The following ZBTB46 variants were observed in gnomAD, a reference collection of about 807,000 sequenced individuals.
The protein encoded by ZBTB46 is zinc finger and BTB domain containing 46.
Under a neutral mutation model 44.1 loss-of-function variants are expected in ZBTB46, and 8 were observed. The ratio of observed to expected loss-of-function variants is 0.18; its 90% CI spans 0.11 to 0.33. The LOEUF (loss-of-function observed/expected upper bound fraction) is 0.33. Ranked by LOEUF, ZBTB46 falls within the 10% of genes least tolerant of loss-of-function variation. The pLI, the probability that ZBTB46 is intolerant of heterozygous loss-of-function variation, is 1.00. For synonymous variants in ZBTB46, 409 were observed against 382.3 expected (o/e 1.07, Z -0.81); for missense variants, 651 against 847.7 (o/e 0.77, Z 2.88).
At chr20:63,827,335 C>T (rs868486193) in intron 1 of ZBTB46, among the ~76,000 whole-genome samples, 6 of 152,174 alleles carry the variant, frequency 3.9e-5, no homozygotes, top group Admixed American at 6.5e-5. Flanking sequence ...TGGCCGGGCG[C>T]GGTGGCTCAC....
At chr20:63,783,129 TA>T (rs1293667722) in intron 2 of ZBTB46, among the ~76,000 whole-genome samples, 1 of 149,034 alleles carries the variant, frequency 6.7e-6, no homozygotes, top group Non-Finnish European at 1.5e-5. Context: ...GACCTTGTCT[TA>T]AAAAAAACAA....
At position 63,786,897 on chromosome 20, in the gene ZBTB46, G is replaced by A. The variant is rs554222973; in HGVS notation, c.937+2924C>T. Among the ~76,000 whole-genome samples the A allele has an allele frequency of 5.3e-5, 8 of 152,188 alleles. No individual in the cohort carries two copies. In the South Asian group the frequency reaches 1.2e-3, roughly 24 times the overall value. ...TGGCCTCAAGGGATCCTCATGCCTC[G>A]GCCTCCCAAATTGCCTCCAAAAGGG... On this transcript the variant is annotated intron_variant, in intron 2 of 4. Transcript: ENST00000245663.
intron 1 of ZBTB46, among the ~76,000 whole-genome samples, chr20:63,810,577 C>T (rs563947208): frequency 1.3e-5 from 2 of 152,198 alleles, no homozygotes; most frequent in South Asian, 4.2e-4. Flanking sequence ...GAAACTCTGT[C>T]TTTACTAAAA....
chr20:63,746,690 C>T lies in ZBTB46; in HGVS notation c.*240G>A. Reference sequence around the variant, plus strand: ...GACTTAGGACCGTGCTCTCCCTTCACTCAAACCCACCCTGTGCCCTCCCCC... The same window carrying T: ...GACTTAGGACCGTGCTCTCCCTTCATTCAAACCCACCCTGTGCCCTCCCCC... On this transcript the variant is annotated 3_prime_UTR_variant, in exon 5 of 5. Transcript: ENST00000245663. 5 of 574,666 alleles carry T rather than the reference C, an allele frequency of 8.7e-6. No individual in the cohort carries two copies. The highest frequency in any genetic ancestry group is 3.5e-5 in the South Asian group (1 of 28,682). 35.6% of individuals were successfully genotyped at this position (574,666 alleles called of 1,614,324 possible).
intron 1 of ZBTB46, among the ~76,000 whole-genome samples, chr20:63,805,939 A>AT (rs1254077316): frequency 2.0e-5 from 3 of 151,294 alleles, no homozygotes; most frequent in Non-Finnish European, 3.0e-5. Flanking sequence ...CACCCGGATA[A>AT]TTTTTTTGTA....
At chr20:63,755,647 C>A (rs550123076) in intron 3 of ZBTB46, among the ~76,000 whole-genome samples, 4 of 152,196 alleles carry the variant, frequency 2.6e-5, no homozygotes, top group Non-Finnish European at 5.9e-5. Flanking sequence ...ATTTGACTGA[C>A]AGTACTGTGA....
chr20:63,827,628 CAA>C (rs1176700985), intron 1 of ZBTB46, among the ~76,000 whole-genome samples: 4 of 129,892 alleles, frequency 3.1e-5, no homozygotes, highest in South Asian at 4.8e-4. Context: ...AAAAAAAAAA[CAA>C]AAAAAAAAAA....
In ZBTB46 at chr20:63,787,271, C is replaced by T. The variant is rs566854117; in HGVS notation, c.937+2550G>A. 1.3e-5 allele frequency among the ~76,000 whole-genome samples: 2 copies of T among 152,084 alleles called. No individual in the cohort carries two copies. The highest frequency in any genetic ancestry group is 2.1e-4 in the South Asian group (1 of 4,800). ...CTGGTGGCGTGACAGGAATAGCCAT[C>T]GCCATCCTAGCCATCGCCATCCTAG... On this transcript the variant is annotated intron_variant, in intron 2 of 4. Coordinates refer to ENST00000245663, the MANE Select transcript of ZBTB46 (RefSeq NM_001369741.1). The surrounding 1 kb of genome is among the most constrained non-coding windows in gnomAD (Gnocchi z 4.6).
chr20:63,782,197 A>ACCCCCGAG (rs11473055), intron 2 of ZBTB46, among the ~76,000 whole-genome samples: 81,756 of 150,802 alleles, frequency 0.54, 22,320 homozygotes, highest in South Asian at 0.62. Flanking sequence ...CCAGGCTGCA[A>ACCCCCGAG]CCCCCGAGCC....
At chr20:63,789,390 C>A (rs914980027) in intron 2 of ZBTB46, among the ~76,000 whole-genome samples, 3 of 152,212 alleles carry the variant, frequency 2.0e-5, no homozygotes, top group African/African-American at 7.2e-5. Context: ...CTGAAGGCCA[C>A]CCTGGCAAGC....
rs762247822 is a variant in ZBTB46 at position 63,752,819 on chromosome 20, T to A, written c.1265A>T (p.Tyr422Phe). Residue 422 changes from tyrosine (Y) to phenylalanine (F), a missense_variant, in exon 4 of 5, where the codon TAC becomes TTC. Physicochemically the swap from Tyr to Phe is conservative, Grantham distance 22. Transcript: ENST00000245663. The surrounding 1 kb of genome is among the most constrained non-coding windows in gnomAD (Gnocchi z 5.6). ...CTGGTGCATGGCCGAGAAGCTGCAG[T>A]ACGGACACTTGAACTTCTTCCTGAT... is the stretch of plus-strand genomic sequence containing the variant. ...TVIRKKFKCP[Y>F]CSFSAMHQCI... is the part of the protein sequence containing the mutation. The A allele has an allele frequency of 4.3e-6, 7 of 1,612,296 alleles. No homozygotes were observed. The South Asian group carries it at 6.6e-5, about 15-fold the overall frequency.
chr20:63,819,321 T>C lies in ZBTB46; in HGVS notation c.-34+11776A>G, dbSNP rs575064980. 1.3e-4 allele frequency among the ~76,000 whole-genome samples: 20 copies of C among 152,326 alleles called. No individual in the cohort carries two copies. The East Asian group carries it at 3.9e-3, about 29-fold the overall frequency. On this transcript the variant is annotated intron_variant, in intron 1 of 4. Coordinates refer to ENST00000245663, the MANE Select transcript of ZBTB46 (RefSeq NM_001369741.1). ...AGAGCGCACCCGGGATGCTAATGGA[T>C]GCTGCCTGCCAGCTTTGCTCCCTCC...
chr20:63,809,516 G>A (rs1344717474), intron 1 of ZBTB46, among the ~76,000 whole-genome samples: 3 of 152,156 alleles, frequency 2.0e-5, no homozygotes, highest in Admixed American at 1.3e-4. Flanking sequence ...AGAGGACTCC[G>A]GGAGACAGCA....
intron 1 of ZBTB46, among the ~76,000 whole-genome samples, chr20:63,823,053 T>C (rs150004800): frequency 8.3e-6 from 1 of 119,884 alleles, no homozygotes; most frequent in African/African-American, 3.5e-5. Context: ...TGATCCCAGT[T>C]ACTCAGGAGG....
chr20:63,803,514 T>C lies in ZBTB46; in HGVS notation c.-33-12724A>G, dbSNP rs1431139226. 3 of 985,156 alleles carry C rather than the reference T, an allele frequency of 3.0e-6. No homozygotes were observed. Among genetic ancestry groups the C allele is most frequent in the South Asian group, 4.7e-5 (1 of 21,272 alleles). 61.0% of individuals were successfully genotyped at this position (985,156 alleles called of 1,614,324 possible). On this transcript the variant is annotated intron_variant, in intron 1 of 4. Coordinates refer to ENST00000245663, the MANE Select transcript of ZBTB46 (RefSeq NM_001369741.1). The surrounding 1 kb of genome is among the most constrained non-coding windows in gnomAD (Gnocchi z 4.0). Reference sequence around the variant, plus strand: ...TAGGTTTTCCACATGGCAGCCCCCATGTGGCCATCTGAAGATGCAAAGCCA... The same window carrying C: ...TAGGTTTTCCACATGGCAGCCCCCACGTGGCCATCTGAAGATGCAAAGCCA...
intron 3 of ZBTB46, among the ~76,000 whole-genome samples, chr20:63,773,915 C>G (rs922113356): frequency 6.6e-6 from 1 of 152,248 alleles, no homozygotes; most frequent in African/African-American, 2.4e-5. Context: ...TTTCTGCTGA[C>G]AAGTACACTT....
chr20:63,777,566 C>T (rs1459624934), intron 2 of ZBTB46, among the ~76,000 whole-genome samples: 1 of 152,210 alleles, frequency 6.6e-6, no homozygotes, highest in Non-Finnish European at 1.5e-5. Flanking sequence ...TGCCCTCCTG[C>T]GGAGCAGGTC....
rs552858414 is a variant in ZBTB46, at chr20:63,774,798, G to A, written c.1222+880C>T. Among the ~76,000 whole-genome samples, 10 of 151,366 alleles carry A rather than the reference G, an allele frequency of 6.6e-5. 1 individual carries two copies. In the South Asian group the frequency reaches 2.1e-3, roughly 32 times the overall value. ...GGCTCACTGCAAGCTCTGCCTGCCGGGTTCACGCCATTCTCCTGCCTCAGT... is the reference window on the plus strand; with the variant it reads ...GGCTCACTGCAAGCTCTGCCTGCCGAGTTCACGCCATTCTCCTGCCTCAGT... On this transcript the variant is annotated intron_variant, in intron 3 of 4. Transcript: ENST00000245663.
chr20:63,815,137 A>G, intron 1 of ZBTB46: 1 of 216,392 alleles, frequency 4.6e-6, no homozygotes, highest in Admixed American at 5.4e-5. Flanking sequence ...AAGACACAAA[A>G]GGCCGAGAGC....
Sources: allele counts gnomAD v4.1 joint callset (sites outside exome capture counted in the v4.1 genomes callset), GRCh38; gene constraint gnomAD v4.1.1; non-coding constraint Gnocchi (gnomAD v3.1); transcripts MANE v1.5; gene names NCBI Gene and HGNC (gene_info 2026-07-23, HGNC 2026-07-21).